ARHGAP17: variants seen among roughly 807,000 people sequenced by gnomAD.
ARHGAP17 encodes Rho GTPase activating protein 17.
Under a neutral mutation model 99.5 loss-of-function variants are expected in ARHGAP17, and 57 were observed. The ratio of observed to expected loss-of-function variants is 0.57; its 90% CI spans 0.46 to 0.71. ARHGAP17 has a LOEUF of 0.71. Ranked by LOEUF, ARHGAP17 falls within the 30% of genes least tolerant of loss-of-function variation. ARHGAP17 has a pLI of 0.00. For synonymous variants in ARHGAP17, 417 were observed against 429.6 expected (o/e 0.97, Z 0.36); for missense variants, 1,000 against 1,122.4 (o/e 0.89, Z 1.56).
chr16:24,947,600 GGGTCA>G lies in ARHGAP17; in HGVS notation c.1128-10_1128-6del. 2.5e-6 allele frequency: 4 copies of G among 1,606,282 alleles called. No homozygotes were observed. Among genetic ancestry groups the G allele is most frequent in the Non-Finnish European group, 3.4e-6 (4 of 1,177,706 alleles). On this transcript the variant is annotated splice_polypyrimidine_tract_variant and splice_region_variant and intron_variant, in intron 13 of 19. Coordinates refer to ENST00000289968, the MANE Select transcript of ARHGAP17 (RefSeq NM_001006634.3). ...GCAAGGAACTTGATCAAATATCTAG[GGGTCA>G]AAAGAGAAGGGGAGGGTTTCTCCTC...
intron 2 of ARHGAP17, among the ~76,000 whole-genome samples, chr16:24,978,234 A>C (rs971439687): frequency 6.6e-6 from 1 of 152,322 alleles, no homozygotes; most frequent in Admixed American, 6.5e-5. Context: ...TTTCCACTAG[A>C]ATGTAAACTC....
intron 19 of ARHGAP17, 173 bp downstream of exon 19, chr16:24,930,611 T>A: frequency 9.2e-7 from 1 of 1,083,272 alleles, no homozygotes; most frequent in East Asian, 2.4e-5. Context: ...CAAATGGGTG[T>A]AGCTGTGTTC....
At chr16:24,929,519 A>G (rs2050926532) in intron 19 of ARHGAP17, 4 of 892,120 alleles carry the variant, frequency 4.5e-6, no homozygotes, top group Non-Finnish European at 5.4e-6. Flanking sequence ...TCCTGAGCAC[A>G]TGGTCAAAAG....
rs2050676028 is a variant in ARHGAP17, at chr16:24,919,919, A to G, written c.*211T>C. The G allele has an allele frequency of 1.4e-5, 8 of 563,348 alleles. No individual in the cohort carries two copies. The highest frequency in any genetic ancestry group is 5.5e-4 in the Middle Eastern group (1 of 1,828). 34.9% of individuals were successfully genotyped at this position (563,348 alleles called of 1,614,324 possible). A position where few individuals can be genotyped will look rare whatever the true frequency, so the allele number is the denominator to read the frequency against. On this transcript the variant is annotated 3_prime_UTR_variant, in exon 20 of 20. Coordinates refer to ENST00000289968, the MANE Select transcript of ARHGAP17 (RefSeq NM_001006634.3). ...CATGATTTCCTTCCCATGTAAAGAA[A>G]GCCAACTTCTTCAAGACACAGGTCA...
chr16:24,929,594 G>A (rs2050928543), intron 19 of ARHGAP17: 2 of 987,878 alleles, frequency 2.0e-6, no homozygotes, highest in Non-Finnish European at 2.4e-6. Context: ...GGGGCAAGCT[G>A]CTCGGGGCCA....
chr16:24,971,330 C>CTT (rs5816272), intron 3 of ARHGAP17, among the ~76,000 whole-genome samples: 2 of 134,288 alleles, frequency 1.5e-5, no homozygotes, highest in African/African-American at 2.8e-5. Context: ...CTTAAATTGG[C>CTT]TTTTTTTTTT....
At chr16:24,961,967 A>AGTTT (rs1240975067) in intron 7 of ARHGAP17, among the ~76,000 whole-genome samples, 6 of 100,076 alleles carry the variant, frequency 6.0e-5, no homozygotes, top group African/African-American at 2.7e-4. Context: ...ATGTAGAGAG[A>AGTTT]GTTTGTTTTT....
intron 18 of ARHGAP17, among the ~76,000 whole-genome samples, chr16:24,934,500 C>G (rs2051080514): frequency 6.6e-6 from 1 of 151,946 alleles, no homozygotes; most frequent in Non-Finnish European, 1.5e-5. Flanking sequence ...GTTGTCCAGG[C>G]TGGAGTGCGG....
chr16:25,012,578 A>C (rs964624184), intron 1 of ARHGAP17, among the ~76,000 whole-genome samples: 2 of 152,160 alleles, frequency 1.3e-5, no homozygotes, highest in Non-Finnish European at 2.9e-5. Context: ...TTCTGGGGCC[A>C]ACCAACCACC....
chr16:25,005,390 CTG>C lies in ARHGAP17; in HGVS notation c.53+9817_53+9818del, dbSNP rs1293370093. On this transcript the variant is annotated intron_variant, in intron 1 of 19. Coordinates refer to ENST00000289968, the MANE Select transcript of ARHGAP17 (RefSeq NM_001006634.3). ...GTCATGAATGTGCAAGGTTTCATCA[CTG>C]TATCTGTTGAGGAACATATCTATGA... Among the ~76,000 whole-genome samples the C allele has an allele frequency of 4.6e-5, 7 of 152,326 alleles. No homozygotes were observed. The East Asian group carries it at 1.4e-3, about 29-fold the overall frequency.
At position 25,015,294 on chromosome 16, in the gene ARHGAP17, G is replaced by A. The variant is rs910574476; in HGVS notation, c.-33C>T. 1.7e-4 allele frequency: 228 copies of A among 1,307,070 alleles called. 1 individual carries two copies. The highest frequency in any genetic ancestry group is 2.1e-4 in the Non-Finnish European group (214 of 1,021,710). 81.0% of individuals were successfully genotyped at this position (1,307,070 alleles called of 1,614,324 possible). A position where few individuals can be genotyped will look rare whatever the true frequency, so the allele number is the denominator to read the frequency against. ...GTGGCGGCGGCGGCCCGCGGGGCTCGGGCCGGGCAGGGCGGGGGACAGCCT... is the reference window on the plus strand; with the variant it reads ...GTGGCGGCGGCGGCCCGCGGGGCTCAGGCCGGGCAGGGCGGGGGACAGCCT... On this transcript the variant is annotated 5_prime_UTR_variant, in exon 1 of 20. Transcript: ENST00000289968.
intron 17 of ARHGAP17, 37 bp downstream of exon 17, chr16:24,939,327 T>C (rs1597376255): frequency 6.5e-7 from 1 of 1,537,932 alleles, no homozygotes; most frequent in Non-Finnish European, 8.7e-7. Flanking sequence ...GGCTGGGGCG[T>C]CCAGCCTCCA....
intron 1 of ARHGAP17, among the ~76,000 whole-genome samples, chr16:25,009,546 C>T (rs1444349810): frequency 1.3e-5 from 2 of 152,126 alleles, no homozygotes; most frequent in Admixed American, 6.5e-5. Flanking sequence ...TCATTCAATT[C>T]GGCAGCAGGG....
intron 7 of ARHGAP17, among the ~76,000 whole-genome samples, chr16:24,962,550 G>A (rs1462844090): frequency 6.6e-6 from 1 of 152,174 alleles, no homozygotes; most frequent in African/African-American, 2.4e-5. Flanking sequence ...ACTGATTTAA[G>A]TTTAATTAAA....
At position 24,939,592 on chromosome 16, in the gene ARHGAP17, C is replaced by A. The variant is rs1318853168; in HGVS notation, c.1496G>T (p.Gly499Val). The change falls in exon 17 of 20, where the codon GGT becomes GTT. Residue 499 changes from glycine (G) to valine (V), a missense_variant. Coordinates refer to ENST00000289968, the MANE Select transcript of ARHGAP17 (RefSeq NM_001006634.3). The part of the protein sequence containing the change: ...EGDLVKKESF[G>V]VKLMDFQAHR... ...GGCCTGGAAGTCCATAAGCTTCACA[C>A]CAAAGCTACACAGAGAGAAGAAACA... The A allele has an allele frequency of 1.2e-6, 2 of 1,604,158 alleles. No individual in the cohort carries two copies. The highest frequency in any genetic ancestry group is 1.7e-6 in the Non-Finnish European group (2 of 1,176,056).
At chr16:25,004,918 AT>A (rs1272884023) in intron 1 of ARHGAP17, among the ~76,000 whole-genome samples, 1 of 152,126 alleles carries the variant, frequency 6.6e-6, no homozygotes, top group Non-Finnish European at 1.5e-5. Context: ...AATGAACTGA[AT>A]ATTGTTTGTT....
intron 1 of ARHGAP17, among the ~76,000 whole-genome samples, chr16:25,003,022 G>C (rs1391819157): frequency 2.6e-5 from 3 of 116,376 alleles, no homozygotes; most frequent in Admixed American, 1.1e-4. Flanking sequence ...CTGGGGAACA[G>C]AGCGAGACTC....
chr16:24,920,360 GT>G, intron 19 of ARHGAP17, 100 bp from the exon 20 acceptor site: 1 of 1,462,426 alleles, frequency 6.8e-7, no homozygotes, highest in Non-Finnish European at 9.4e-7. Flanking sequence ...AAGTTTCAGG[GT>G]CAGCCCATGC....
intron 1 of ARHGAP17, among the ~76,000 whole-genome samples, chr16:25,006,341 T>TC (rs1289269824): frequency 6.7e-6 from 1 of 149,244 alleles, no homozygotes; most frequent in Non-Finnish European, 1.5e-5. Context: ...TCCCAGCTAC[T>TC]CAGGAGGCTG....
Sources: gnomAD v4.1 joint callset for allele counts (sites outside exome capture counted in the v4.1 genomes callset) on GRCh38, gnomAD v4.1.1 for gene constraint, MANE v1.5 for transcripts, NCBI Gene and HGNC (gene_info 2026-07-23, HGNC 2026-07-21) for gene names.